STXBP4: variants seen among roughly 807,000 people sequenced by gnomAD.
STXBP4 encodes the protein syntaxin binding protein 4.
In STXBP4, 55 loss-of-function variants were observed where a neutral mutation model predicts 76.1. The ratio of observed to expected loss-of-function variants is 0.72; its 90% CI spans 0.58 to 0.91. The LOEUF is 0.91. Among genes scored for constraint, STXBP4 ranks in the 40% least tolerant of loss-of-function variants. The probability of loss-of-function intolerance (pLI) is 0.00; values close to 1 mark genes in which losing one functional copy is unlikely to be tolerated. For missense variants in STXBP4, 618 were observed against 636.9 expected, an observed-to-expected ratio of 0.97 and a Z score of 0.32; for synonymous variants, 201 against 220.2, an observed-to-expected ratio of 0.91 and a Z score of 0.77.
Position 55,033,375 on chromosome 17 carries a change from AAAAATAAATAAATAAATAAAAT to A in STXBP4, c.764-775_764-754del, listed in dbSNP as rs2078543987. ...GGTGACAGAGTGAGACTCCATCTCAAAAAATAAATAAATAAATAAAATAAAATAAATAAATAAATTCAGGTAA... is the reference window on the plus strand; with the variant it reads ...GGTGACAGAGTGAGACTCCATCTCAAAAAATAAATAAATAAATTCAGGTAA... On this transcript the variant is annotated intron_variant, in intron 9 of 17. Transcript: ENST00000376352. 2.6e-5 allele frequency among the ~76,000 whole-genome samples: 4 copies of A among 152,144 alleles called. 1 individual carries two copies. In the South Asian group the frequency reaches 8.4e-4, roughly 32 times the overall value.
intron 17 of STXBP4, among the ~76,000 whole-genome samples, chr17:55,151,789 G>T (rs1393828372): frequency 6.6e-6 from 1 of 152,152 alleles, no homozygotes; most frequent in South Asian, 2.1e-4. Context: ...AATAGTATTT[G>T]CTTGATGTAA....
At chr17:54,978,604 G>T (rs2077504164) in intron 1 of STXBP4, among the ~76,000 whole-genome samples, 1 of 152,080 alleles carries the variant, frequency 6.6e-6, no homozygotes, top group Non-Finnish European at 1.5e-5. Flanking sequence ...AGGGTAAAAT[G>T]ACATTAAAGG....
At chr17:55,188,837 A>G in the STXBP4 span, among the ~76,000 whole-genome samples, 3 of 152,332 alleles carry the variant, frequency 2.0e-5, no homozygotes, top group South Asian at 6.2e-4. Flanking sequence ...TCTTTTTGTC[A>G]TTAAAAGGCA....
the STXBP4 span, among the ~76,000 whole-genome samples, chr17:55,202,830 C>T: frequency 6.6e-6 from 1 of 152,286 alleles, no homozygotes; most frequent in East Asian, 1.9e-4. Flanking sequence ...AAGCTGGGTA[C>T]ATGCTTCAAG....
chr17:55,079,748 G>C (rs558611839), intron 15 of STXBP4, among the ~76,000 whole-genome samples: 22 of 152,196 alleles, frequency 1.4e-4, no homozygotes, highest in South Asian at 1.0e-3. Flanking sequence ...CTGCCCTCCA[G>C]CCTGGATAAC....
chr17:55,212,013 A>G, the STXBP4 span, among the ~76,000 whole-genome samples: 2 of 148,610 alleles, frequency 1.3e-5, no homozygotes, highest in East Asian at 3.9e-4. Context: ...AGAGACCGGG[A>G]TTCATCATGT....
chr17:55,211,923 G>A, the STXBP4 span, among the ~76,000 whole-genome samples: 1 of 141,756 alleles, frequency 7.1e-6, no homozygotes, highest in African/African-American at 2.6e-5. Flanking sequence ...CCATTCTCCT[G>A]CCTCTGCTTT....
intron 13 of STXBP4, among the ~76,000 whole-genome samples, chr17:55,077,687 G>A (rs1030573502): frequency 1.9e-4 from 2 of 10,708 alleles, no homozygotes; most frequent in Non-Finnish European, 3.1e-4. Context: ...GTCTTACATC[G>A]TGTGTGTGTG....
intron 17 of STXBP4, among the ~76,000 whole-genome samples, chr17:55,144,275 C>A (rs1029437791): frequency 2.6e-5 from 4 of 152,058 alleles, no homozygotes; most frequent in African/African-American, 9.7e-5. Flanking sequence ...TTTTACCCAG[C>A]CTCATGAAGG....
chr17:55,093,471 T>G (rs185701882), intron 16 of STXBP4, among the ~76,000 whole-genome samples: 116 of 152,338 alleles, frequency 7.6e-4, no homozygotes, highest in Non-Finnish European at 1.2e-3. Flanking sequence ...TTTACCTGTT[T>G]TTGTAAAACA....
In STXBP4 at chr17:55,158,862, G is replaced by A. The variant is rs569880953; in HGVS notation, c.1548-935G>A. On this transcript the variant is annotated intron_variant, in intron 17 of 17. Coordinates refer to ENST00000376352, the MANE Select transcript of STXBP4 (RefSeq NM_178509.6). ...TTGATTTAATAAGAGATAAGACCAT[G>A]GGCACAGATTGGAGGATTCTTAAGG... 8.5e-5 allele frequency among the ~76,000 whole-genome samples: 13 copies of A among 152,326 alleles called. No individual in the cohort carries two copies. The South Asian group carries it at 2.7e-3, about 32-fold the overall frequency.
chr17:55,026,336 GT>G (rs113976719), intron 8 of STXBP4, among the ~76,000 whole-genome samples: 33 of 151,756 alleles, frequency 2.2e-4, no homozygotes, highest in South Asian at 6.3e-4. Context: ...AAAGAAAAAA[GT>G]TTTTTTTTCC....
intron 16 of STXBP4, among the ~76,000 whole-genome samples, chr17:55,136,348 GCTGGCTTCTA>G (rs1218355377): frequency 6.6e-6 from 1 of 152,062 alleles, no homozygotes; most frequent in Non-Finnish European, 1.5e-5. Context: ...GTATGTTTGA[GCTGGCTTCTA>G]CTGGCTTGCA....
chr17:55,127,573 C>G (rs2079926694), intron 16 of STXBP4, among the ~76,000 whole-genome samples: 1 of 152,036 alleles, frequency 6.6e-6, no homozygotes, highest in Non-Finnish European at 1.5e-5. Flanking sequence ...AGAGAAAAAG[C>G]AAAATTGGGG....
intron 17 of STXBP4, among the ~76,000 whole-genome samples, chr17:55,142,055 A>G (rs891316609): frequency 1.3e-5 from 2 of 152,196 alleles, no homozygotes; most frequent in Non-Finnish European, 2.9e-5. Context: ...CAAAAAATCT[A>G]TCACTACTTA....
chr17:54,984,139 G>A (rs2077590133), intron 1 of STXBP4, among the ~76,000 whole-genome samples: 1 of 151,810 alleles, frequency 6.6e-6, no homozygotes, highest in Non-Finnish European at 1.5e-5. Context: ...GCTATGTTAG[G>A]GTCTCAAAAG....
the STXBP4 span, among the ~76,000 whole-genome samples, chr17:55,189,732 G>A: frequency 6.6e-6 from 1 of 152,134 alleles, no homozygotes; most frequent in East Asian, 1.9e-4. Context: ...ACAAGATTAC[G>A]CTCTGAAAAA....
intron 13 of STXBP4, among the ~76,000 whole-genome samples, chr17:55,077,565 C>T (rs2079198244): frequency 6.6e-6 from 1 of 152,096 alleles, no homozygotes; most frequent in Non-Finnish European, 1.5e-5. Flanking sequence ...CACCAGGGAT[C>T]AGCATATACC....
the STXBP4 span, among the ~76,000 whole-genome samples, chr17:55,193,187 G>A: frequency 6.6e-6 from 1 of 152,158 alleles, no homozygotes; most frequent in Non-Finnish European, 1.5e-5. Context: ...ATTCTAGATT[G>A]CTGAGCAGGA....
Sources: gnomAD v4.1 joint callset for allele counts (sites outside exome capture counted in the v4.1 genomes callset) on GRCh38, gnomAD v4.1.1 for gene constraint, MANE v1.5 for transcripts, NCBI Gene and HGNC (gene_info 2026-07-23, HGNC 2026-07-21) for gene names.